SGK1: variants seen among roughly 807,000 people sequenced by gnomAD.
SGK1 encodes the protein serum/glucocorticoid regulated kinase 1.
Under a neutral mutation model 64.2 loss-of-function variants are expected in SGK1, and 26 were observed. The ratio of observed to expected loss-of-function variants is 0.40; its 90% confidence interval spans 0.30 to 0.56. SGK1 has a LOEUF of 0.56. Ranked by LOEUF, SGK1 falls within the 20% of genes least tolerant of loss-of-function variation. The pLI, the probability that SGK1 is intolerant of heterozygous loss-of-function variation, is 0.38. For synonymous variants in SGK1, 265 were observed against 239.7 expected (o/e 1.11, Z -0.98); for missense variants, 519 against 645.6 (o/e 0.80, Z 2.12).
chr6:134,173,662 AC>A, intron 5 of SGK1, 96 bp from the exon 6 acceptor site: 1 of 807,150 alleles, frequency 1.2e-6, no homozygotes, highest in South Asian at 1.8e-5. Flanking sequence ...TCTACAAATG[AC>A]TGATGCAAAT....
At chr6:134,219,443 C>A (rs1776043089) in intron 2 of SGK1, among the ~76,000 whole-genome samples, 3 of 152,102 alleles carry the variant, frequency 2.0e-5, no homozygotes, top group Admixed American at 2.0e-4. Flanking sequence ...GCCAAGATAT[C>A]TAGATTGTTT....
At chr6:134,263,663 A>T (rs1423922701) in intron 1 of SGK1, among the ~76,000 whole-genome samples, 1 of 152,212 alleles carries the variant, frequency 6.6e-6, no homozygotes, top group Non-Finnish European at 1.5e-5. Context: ...AGATACAGAA[A>T]GAAGTATAAA....
At chr6:134,178,006 G>A in intron 3 of SGK1, 1 of 583,628 alleles carries the variant, frequency 1.7e-6, no homozygotes. Flanking sequence ...CCCCCAGCAC[G>A]CACACAAGAA....
intron 2 of SGK1, among the ~76,000 whole-genome samples, chr6:134,238,632 A>G (rs1631879): frequency 0.76 from 115,318 of 151,802 alleles, 44,342 homozygotes; most frequent in South Asian, 0.91. Flanking sequence ...AGATGGTTCC[A>G]ACATACAAGC....
chr6:134,269,527 G>A lies in SGK1; in HGVS notation c.70-7379C>T, dbSNP rs572281478. Among the ~76,000 whole-genome samples the A allele has an allele frequency of 1.7e-4, 25 of 146,868 alleles. 1 individual carries two copies. The highest frequency in any genetic ancestry group is 2.5e-4 in the East Asian group (1 of 4,032). On this transcript the variant is annotated intron_variant, in intron 1 of 13. Transcript: ENST00000367858. ...CACAAAAATTAGCCACCATGGTGGC[G>A]TCCACCTGTAATCCCAGCTACTAGG...
chr6:134,173,819 C>T, intron 5 of SGK1, 186 bp downstream of exon 5: 1 of 584,056 alleles, frequency 1.7e-6, no homozygotes, highest in Non-Finnish European at 3.0e-6. Context: ...GTAAAATATG[C>T]CCAGGAAAAA....
intron 3 of SGK1, among the ~76,000 whole-genome samples, chr6:134,188,908 CTTTTTTT>C (rs34316759): frequency 1.8e-5 from 2 of 110,218 alleles, no homozygotes; most frequent in East Asian, 2.4e-4. Flanking sequence ...ATTTCTTTTT[CTTTTTTT>C]TTTTTTTTTT....
intron 2 of SGK1, chr6:134,257,000 AAACAAC>A (rs922012124): frequency 6.7e-6 from 1 of 150,358 alleles, no homozygotes; most frequent in Non-Finnish European, 1.5e-5. Flanking sequence ...AAGTTGAACA[AAACAAC>A]AACAACAACA....
At chr6:134,255,018 G>A (rs144917401) in intron 2 of SGK1, among the ~76,000 whole-genome samples, 243 of 152,142 alleles carry the variant, frequency 1.6e-3, no homozygotes, top group African/African-American at 5.3e-3. Context: ...GCAGGCATGC[G>A]CCACCACGCC....
At chr6:134,244,116 A>G (rs1189454236) in intron 2 of SGK1, among the ~76,000 whole-genome samples, 1 of 151,898 alleles carries the variant, frequency 6.6e-6, no homozygotes, top group East Asian at 1.9e-4. Flanking sequence ...TCCTAATGCC[A>G]TCCCTCCCAC....
chr6:134,307,552 A>T (rs1777552441), intron 1 of SGK1, among the ~76,000 whole-genome samples: 1 of 152,222 alleles, frequency 6.6e-6, no homozygotes, highest in Admixed American at 6.5e-5. Context: ...TAGCCAATGC[A>T]TACCCTCCCT....
At chr6:134,291,722 T>G (rs931450630) in intron 1 of SGK1, among the ~76,000 whole-genome samples, 1 of 152,226 alleles carries the variant, frequency 6.6e-6, no homozygotes, top group Non-Finnish European at 1.5e-5. Flanking sequence ...TGGGATGAAC[T>G]GTTGCCTGAT....
At chr6:134,276,339 C>A (rs576399235) in intron 1 of SGK1, among the ~76,000 whole-genome samples, 1 of 152,278 alleles carries the variant, frequency 6.6e-6, no homozygotes, top group East Asian at 1.9e-4. Context: ...AGCATGAGTT[C>A]ATCTCTGGGG....
At position 134,172,142 on chromosome 6, in the gene SGK1, C is replaced by T. The variant is rs139305930; in HGVS notation, c.1071+51G>A. The T allele has an allele frequency of 1.1e-4, 173 of 1,602,402 alleles. No individual in the cohort carries two copies. The African/African-American group carries it at 2.2e-3, about 21-fold the overall frequency. ...TAGTTAAGTGCATGATTGTACATCT[C>T]TCTCTTGGAAGGCGGGGGTAAACCA... On this transcript the variant is annotated intron_variant, in intron 10 of 13. Transcript: ENST00000367858.
intron 1 of SGK1, among the ~76,000 whole-genome samples, chr6:134,276,414 T>C (rs543274435): frequency 2.8e-4 from 43 of 152,244 alleles, no homozygotes; most frequent in Non-Finnish European, 5.1e-4. Flanking sequence ...GAGGAAAGCA[T>C]GTTTCAAAGC....
At chr6:134,183,144 T>C (rs1775357200) in intron 3 of SGK1, among the ~76,000 whole-genome samples, 1 of 152,234 alleles carries the variant, frequency 6.6e-6, no homozygotes, top group African/African-American at 2.4e-5. Flanking sequence ...CAGATCTCTG[T>C]GGTGCACCTC....
At chr6:134,301,020 G>T (rs1777446234) in intron 1 of SGK1, among the ~76,000 whole-genome samples, 1 of 152,178 alleles carries the variant, frequency 6.6e-6, no homozygotes, top group Non-Finnish European at 1.5e-5. Flanking sequence ...ATAATTTCTA[G>T]ATTTCTCACT....
intron 3 of SGK1, among the ~76,000 whole-genome samples, chr6:134,175,136 G>C (rs1166866955): frequency 2.0e-5 from 3 of 152,158 alleles, no homozygotes; most frequent in Admixed American, 2.0e-4. Flanking sequence ...GAGAGAACGC[G>C]CCGGCGGAGG....
At chr6:134,271,064 C>G (rs994064843) in intron 1 of SGK1, among the ~76,000 whole-genome samples, 2 of 147,380 alleles carry the variant, frequency 1.4e-5, no homozygotes, top group African/African-American at 4.9e-5. Context: ...TGCCTGTCGT[C>G]CCAGTGCTTT....
Sources: allele counts gnomAD v4.1 joint callset (sites outside exome capture counted in the v4.1 genomes callset), GRCh38; gene constraint gnomAD v4.1.1; transcripts MANE v1.5; gene names NCBI Gene and HGNC (gene_info 2026-07-23, HGNC 2026-07-21).